DCDC1: variants seen among roughly 807,000 people sequenced by gnomAD.
DCDC1 encodes the protein doublecortin domain-containing protein 1.
A neutral mutation model predicts 178.3 loss-of-function variants in DCDC1; 200 were observed. The ratio of observed to expected loss-of-function variants is 1.12; its 90% confidence interval spans 1.00 to 1.26. The LOEUF is 1.26. Ranked by LOEUF, DCDC1 falls within the 50% of genes most tolerant of loss-of-function variation. DCDC1 has a pLI of 0.00. For missense variants in DCDC1, 1,983 were observed against 1,749.2 expected (o/e 1.13, Z -2.38); for synonymous variants, 690 against 604.8 (o/e 1.14, Z -2.07).
intron 11 of DCDC1, among the ~76,000 whole-genome samples, chr11:31,119,679 C>CT (rs980254423): frequency 2.0e-4 from 31 of 152,186 alleles, no homozygotes; most frequent in Non-Finnish European, 3.5e-4. Context: ...AAACTTTAAA[C>CT]TTTTTTAAAA....
intron 37 of DCDC1, among the ~76,000 whole-genome samples, chr11:30,880,429 G>A (rs1278484130): frequency 6.6e-6 from 1 of 152,082 alleles, no homozygotes; most frequent in Non-Finnish European, 1.5e-5. Context: ...TTTTTGGTTT[G>A]CCTACATTAC....
At chr11:31,327,458 C>A (rs1195964144) in intron 3 of DCDC1, among the ~76,000 whole-genome samples, 1 of 152,148 alleles carries the variant, frequency 6.6e-6, no homozygotes, top group Non-Finnish European at 1.5e-5. Context: ...GCGTGAGTAA[C>A]TGCACCCAGC....
intron 36 of DCDC1, among the ~76,000 whole-genome samples, chr11:30,889,233 G>A (rs149859455): frequency 5.5e-4 from 83 of 152,272 alleles, no homozygotes; most frequent in Admixed American, 1.6e-3. Context: ...AGAGAGAGCC[G>A]CCTTGGTGCA....
chr11:31,178,718 A>C (rs1239292121), intron 9 of DCDC1, among the ~76,000 whole-genome samples: 1 of 152,130 alleles, frequency 6.6e-6, no homozygotes, highest in Non-Finnish European at 1.5e-5. Flanking sequence ...CCTGAGACGG[A>C]GTCTTGCTCT....
intron 20 of DCDC1, among the ~76,000 whole-genome samples, chr11:30,983,859 T>A (rs1950507210): frequency 6.6e-6 from 1 of 152,120 alleles, no homozygotes; most frequent in East Asian, 1.9e-4. Context: ...GACAATTCTC[T>A]GAGAATGGAA....
intron 10 of DCDC1, among the ~76,000 whole-genome samples, chr11:31,134,992 T>A (rs1250337830): frequency 1.3e-5 from 2 of 152,116 alleles, no homozygotes; most frequent in Non-Finnish European, 2.9e-5. Flanking sequence ...AGAGAGCCTA[T>A]CTCTAAAATA....
chr11:30,929,481 C>T (rs1456729962), intron 22 of DCDC1, among the ~76,000 whole-genome samples: 1 of 151,868 alleles, frequency 6.6e-6, no homozygotes, highest in African/African-American at 2.4e-5. Context: ...ATTATTTAAG[C>T]ACATAGGAAG....
intron 20 of DCDC1, among the ~76,000 whole-genome samples, chr11:31,038,386 A>G (rs1954220351): frequency 6.6e-6 from 1 of 152,162 alleles, no homozygotes. Context: ...TGTTAAACCA[A>G]CTGAAAAATA....
intron 17 of DCDC1, among the ~76,000 whole-genome samples, chr11:31,084,110 G>A (rs1230064428): frequency 6.6e-6 from 1 of 152,042 alleles, no homozygotes. Flanking sequence ...ATACACACGA[G>A]CACTTGCTAT....
At position 30,884,033 on chromosome 11, in the gene DCDC1, A is replaced by ATTTTTTTTTTTTTTTTTTTTTTTT. The variant is rs59940255; in HGVS notation, c.5083-2726_5083-2725insAAAAAAAAAAAAAAAAAAAAAAAA. On this transcript the variant is annotated intron_variant, in intron 36 of 38. Coordinates refer to ENST00000684477, the MANE Select transcript of DCDC1 (RefSeq NM_001387274.1). ...AAAGAAAACCAAAGCATTCTTTCTCATTTTTTTTTTTTTTTGAGACAGGGT... is the reference window on the plus strand; with the variant it reads ...AAAGAAAACCAAAGCATTCTTTCTCATTTTTTTTTTTTTTTTTTTTTTTTTTTTTTTTTTTTTTTGAGACAGGGT... 1.6e-4 allele frequency among the ~76,000 whole-genome samples: 15 copies of ATTTTTTTTTTTTTTTTTTTTTTTT among 95,774 alleles called. 2 individuals are homozygous for ATTTTTTTTTTTTTTTTTTTTTTTT. The highest frequency in any genetic ancestry group is 3.8e-4 in the Admixed American group (3 of 7,856). The allele number at this position is 95,774 out of a possible 152,430, so 62.8% of individuals were successfully genotyped here.
Position 30,939,123 on chromosome 11 carries a change from T to C in DCDC1, c.2716-7171A>G, listed in dbSNP as rs117647921. On this transcript the variant is annotated intron_variant, in intron 21 of 38. Transcript: ENST00000684477. Reference sequence around the variant, plus strand: ...AAATGCCCAACTACCAAGGCAGTACTTATAGTCCAATTTTCCTATCTTGGC... The same window carrying C: ...AAATGCCCAACTACCAAGGCAGTACCTATAGTCCAATTTTCCTATCTTGGC... 3.2e-3 allele frequency among the ~76,000 whole-genome samples: 487 copies of C among 152,280 alleles called. 24 individuals carry two copies. The East Asian group carries it at 0.08, about 25-fold the overall frequency.
At chr11:30,960,039 C>T (rs372042565) in intron 20 of DCDC1, among the ~76,000 whole-genome samples, 36 of 152,222 alleles carry the variant, frequency 2.4e-4, no homozygotes, top group East Asian at 1.9e-3. Flanking sequence ...CCAAAAGACA[C>T]GGGTGAGGAG....
chr11:31,131,390 A>C (rs1962423106), intron 10 of DCDC1, among the ~76,000 whole-genome samples: 1 of 152,122 alleles, frequency 6.6e-6, no homozygotes. Flanking sequence ...ACTTTTTGGA[A>C]TGAATTTCCA....
intron 27 of DCDC1, among the ~76,000 whole-genome samples, chr11:30,912,583 C>T (rs1475154265): frequency 6.6e-6 from 1 of 152,118 alleles, no homozygotes; most frequent in Non-Finnish European, 1.5e-5. Flanking sequence ...ATGCCCGGCC[C>T]TGTTTCAGTT....
At chr11:30,964,214 A>G (rs1949291303) in intron 20 of DCDC1, among the ~76,000 whole-genome samples, 1 of 152,198 alleles carries the variant, frequency 6.6e-6, no homozygotes, top group Non-Finnish European at 1.5e-5. Context: ...TGTGAGGTAT[A>G]GTGATTAATG....
At chr11:31,022,352 G>A (rs989365194) in intron 20 of DCDC1, among the ~76,000 whole-genome samples, 7 of 152,096 alleles carry the variant, frequency 4.6e-5, no homozygotes, top group Non-Finnish European at 7.4e-5. Context: ...GTATCTAGCT[G>A]TGTCTCTGTC....
chr11:30,900,270 T>C (rs1944561146), intron 33 of DCDC1, 76 bp downstream of exon 33: 2 of 1,268,640 alleles, frequency 1.6e-6, no homozygotes, highest in Middle Eastern at 3.9e-4. Context: ...TAATTCATTT[T>C]CTTATGATGG....
intron 20 of DCDC1, among the ~76,000 whole-genome samples, chr11:31,042,354 T>G (rs288463): frequency 0.51 from 78,186 of 152,012 alleles, 20,767 homozygotes; most frequent in African/African-American, 0.66. Context: ...ATCCGATTTT[T>G]TGCTAGACCA....
chr11:30,972,861 G>T (rs1019097407), intron 20 of DCDC1, among the ~76,000 whole-genome samples: 2 of 152,116 alleles, frequency 1.3e-5, no homozygotes, highest in Non-Finnish European at 2.9e-5. Context: ...CCCCAATGTT[G>T]GAGGTTGGTC....
Sources: gnomAD v4.1 joint callset for allele counts (sites outside exome capture counted in the v4.1 genomes callset) on GRCh38, gnomAD v4.1.1 for gene constraint, MANE v1.5 for transcripts, NCBI Gene and HGNC (gene_info 2026-07-23, HGNC 2026-07-21) for gene names.